Variants in FHIT observed in about 807,000 individuals in gnomAD.
FHIT encodes the protein bis(5'-adenosyl)-triphosphatase.
A neutral mutation model predicts 17.9 loss-of-function variants in FHIT; 19 were observed. The ratio of observed to expected loss-of-function variants is 1.06; its 90% CI spans 0.74 to 1.56. FHIT has a LOEUF of 1.56. Among genes scored for constraint, FHIT ranks in the 40% most tolerant of loss-of-function variants. The pLI is 0.00. For missense variants in FHIT, 248 were observed against 189.2 expected, an observed-to-expected ratio of 1.31 and a Z score of -1.82; for synonymous variants, 81 against 69.7, an observed-to-expected ratio of 1.16 and a Z score of -0.81.
At chr3:60,393,367 G>T (rs1701306676) in intron 5 of FHIT, among the ~76,000 whole-genome samples, 1 of 149,782 alleles carries the variant, frequency 6.7e-6, no homozygotes, top group Non-Finnish European at 1.5e-5. Flanking sequence ...TGCACTAATT[G>T]AAAAAATATA....
intron 2 of FHIT, among the ~76,000 whole-genome samples, chr3:61,056,988 G>A (rs192641044): frequency 6.2e-4 from 95 of 152,300 alleles, no homozygotes; most frequent in African/African-American, 2.0e-3. Flanking sequence ...TCTCAGAGTA[G>A]GGGTGGAGTA....
chr3:59,858,902 G>T (rs57233812), intron 8 of FHIT, among the ~76,000 whole-genome samples: 1 of 152,144 alleles, frequency 6.6e-6, no homozygotes, highest in African/African-American at 2.4e-5. Flanking sequence ...CACATACCCA[G>T]ATATGGAAAT....
At chr3:60,467,427 T>G (rs181844007) in intron 5 of FHIT, among the ~76,000 whole-genome samples, 1 of 152,040 alleles carries the variant, frequency 6.6e-6, no homozygotes, top group African/African-American at 2.4e-5. Context: ...AATGTATCAT[T>G]AGTTTTTCTA....
At chr3:59,935,226 CT>C (rs1273398832) in intron 7 of FHIT, among the ~76,000 whole-genome samples, 13 of 152,268 alleles carry the variant, frequency 8.5e-5, no homozygotes, top group East Asian at 1.9e-4. Flanking sequence ...TTCAAAATGA[CT>C]TTTAGGAGAT....
intron 8 of FHIT, among the ~76,000 whole-genome samples, chr3:59,784,442 C>G (rs886870257): frequency 6.6e-5 from 10 of 152,224 alleles, no homozygotes; most frequent in African/African-American, 2.4e-4. Flanking sequence ...AAAATCCCAA[C>G]TCCTTAACAA....
chr3:61,231,815 G>C lies in FHIT; in HGVS notation c.-213+19486C>G, dbSNP rs115708681. Reference sequence around the variant, plus strand: ...TATGGAAAAAAGAAAGGCTGAGGCAGAAAACACAGGGAGGGATAAGGAACT... The same window carrying C: ...TATGGAAAAAAGAAAGGCTGAGGCACAAAACACAGGGAGGGATAAGGAACT... On this transcript the variant is annotated intron_variant, in intron 1 of 9. Transcript: ENST00000492590. Among the ~76,000 whole-genome samples, 542 of 152,248 alleles carry C rather than the reference G, an allele frequency of 3.6e-3. 4 individuals are homozygous for C. Among genetic ancestry groups the C allele is most frequent in the African/African-American group, 0.012 (517 of 41,544 alleles).
chr3:60,127,644 C>T (rs1160673548), intron 5 of FHIT, among the ~76,000 whole-genome samples: 2 of 152,094 alleles, frequency 1.3e-5, no homozygotes, highest in East Asian at 3.9e-4. Context: ...CTCTGTCACC[C>T]TGGCTGGAGT....
chr3:60,597,876 T>C (rs1553667222), intron 4 of FHIT, among the ~76,000 whole-genome samples: 1 of 152,150 alleles, frequency 6.6e-6, no homozygotes, highest in Admixed American at 6.6e-5. Context: ...GGACTCTCTG[T>C]CTAGTAAGTT....
At chr3:60,113,642 G>A (rs373128540) in intron 5 of FHIT, among the ~76,000 whole-genome samples, 9 of 151,706 alleles carry the variant, frequency 5.9e-5, no homozygotes, top group Non-Finnish European at 1.2e-4. Flanking sequence ...TTTTGGAGAC[G>A]GGTGCACAAC....
chr3:61,166,681 C>A (rs1283297404), intron 2 of FHIT, among the ~76,000 whole-genome samples: 1 of 152,232 alleles, frequency 6.6e-6, no homozygotes, highest in Non-Finnish European at 1.5e-5. Context: ...ACTTGTAACA[C>A]AGAAAACTGC....
chr3:61,102,456 C>A lies in FHIT; in HGVS notation c.-163-60357G>T, dbSNP rs1468721837. ...TGATGTGTTGATGGATTTGGTTTGC[C>A]AGTATTTTATTGAGGATTTCTGCAT... is the stretch of plus-strand genomic sequence containing the variant. On this transcript the variant is annotated intron_variant, in intron 2 of 9. Transcript: ENST00000492590. 2.6e-5 allele frequency among the ~76,000 whole-genome samples: 4 copies of A among 152,102 alleles called. No individual in the cohort carries two copies. The East Asian group carries it at 7.7e-4, about 29-fold the overall frequency.
At chr3:60,075,701 G>A (rs1394095498) in intron 5 of FHIT, among the ~76,000 whole-genome samples, 1 of 151,956 alleles carries the variant, frequency 6.6e-6, no homozygotes, top group Non-Finnish European at 1.5e-5. Context: ...TGTTTACCAT[G>A]GACAGCCTTG....
At chr3:61,102,797 C>G (rs968653490) in intron 2 of FHIT, among the ~76,000 whole-genome samples, 1 of 151,944 alleles carries the variant, frequency 6.6e-6, no homozygotes, top group African/African-American at 2.4e-5. Flanking sequence ...TGTATGTGTC[C>G]AGGAATTTAT....
chr3:59,945,012 G>A (rs1458233387), intron 7 of FHIT, among the ~76,000 whole-genome samples: 2 of 152,150 alleles, frequency 1.3e-5, no homozygotes, highest in East Asian at 3.9e-4. Context: ...CTTTATGGTA[G>A]GATGATTTAT....
At chr3:60,021,891 G>GA (rs917602510) in intron 5 of FHIT, among the ~76,000 whole-genome samples, 5 of 151,852 alleles carry the variant, frequency 3.3e-5, no homozygotes, top group South Asian at 4.2e-4. Context: ...ACATTATACA[G>GA]AAAAAAAACT....
At chr3:60,051,821 A>G (rs565401188) in intron 5 of FHIT, among the ~76,000 whole-genome samples, 3 of 152,272 alleles carry the variant, frequency 2.0e-5, no homozygotes, top group Admixed American at 6.5e-5. Context: ...CTTCTCTCAG[A>G]TAACAACATA....
chr3:60,606,161 A>G (rs1407327626), intron 4 of FHIT, among the ~76,000 whole-genome samples: 1 of 152,060 alleles, frequency 6.6e-6, no homozygotes, highest in African/African-American at 2.4e-5. Context: ...CCTCCTCTAC[A>G]ATATTCCTAA....
At chr3:59,762,797 C>A (rs982744803) in intron 8 of FHIT, among the ~76,000 whole-genome samples, 1 of 151,036 alleles carries the variant, frequency 6.6e-6, no homozygotes, top group African/African-American at 2.5e-5. Flanking sequence ...CAACACCTCA[C>A]CCCAGGCGCC....
intron 5 of FHIT, among the ~76,000 whole-genome samples, chr3:60,086,450 T>A (rs768855699): frequency 6.6e-6 from 1 of 152,178 alleles, no homozygotes; most frequent in Non-Finnish European, 1.5e-5. Flanking sequence ...CTTAACTCAT[T>A]TCAAAATCAA....
Sources: allele counts gnomAD v4.1 joint callset (sites outside exome capture counted in the v4.1 genomes callset), GRCh38; gene constraint gnomAD v4.1.1; transcripts MANE v1.5; gene names NCBI Gene and HGNC (gene_info 2026-07-23, HGNC 2026-07-21).